Variants in GRAMD1B observed in about 807,000 individuals in gnomAD.
GRAMD1B encodes the protein protein Aster-B.
Under a neutral mutation model 99.7 loss-of-function variants are expected in GRAMD1B, and 37 were observed. The ratio of observed to expected loss-of-function variants is 0.37; its 90% CI spans 0.29 to 0.49. GRAMD1B has a LOEUF of 0.49. Ranked by LOEUF, GRAMD1B falls within the 20% of genes least tolerant of loss-of-function variation. The pLI is 0.98. For missense variants in GRAMD1B, 888 were observed against 1,009.2 expected (o/e 0.88, Z 1.63); for synonymous variants, 427 against 387.6 (o/e 1.10, Z -1.19).
intron 4 of GRAMD1B, among the ~76,000 whole-genome samples, chr11:123,592,085 G>A (rs1441416288): frequency 2.0e-5 from 3 of 152,174 alleles, no homozygotes; most frequent in Admixed American, 6.5e-5. Context: ...GGCTTCAGGG[G>A]GTTGGAGGCC....
At chr11:123,419,886 T>C (rs1293313196) in intron 1 of GRAMD1B, among the ~76,000 whole-genome samples, 3 of 152,046 alleles carry the variant, frequency 2.0e-5, no homozygotes, top group African/African-American at 7.2e-5. Flanking sequence ...TGAGTTAAGC[T>C]GGGGAGATTT....
intron 4 of GRAMD1B, among the ~76,000 whole-genome samples, chr11:123,584,570 C>T (rs1191363255): frequency 1.3e-5 from 2 of 151,934 alleles, no homozygotes; most frequent in South Asian, 2.1e-4. Context: ...CCCTGCCTCA[C>T]CTAGGCTCTT....
intron 1 of GRAMD1B, among the ~76,000 whole-genome samples, chr11:123,385,797 T>C (rs547917276): frequency 5.3e-5 from 8 of 152,312 alleles, no homozygotes; most frequent in African/African-American, 1.9e-4. Flanking sequence ...AACCCTTTAT[T>C]GTGGTCATGG....
At chr11:123,481,701 GCTAA>G in intron 2 of GRAMD1B, among the ~76,000 whole-genome samples, 1 of 152,202 alleles carries the variant, frequency 6.6e-6, no homozygotes. Context: ...TGGAGATACA[GCTAA>G]CTAAGCACTC....
intron 2 of GRAMD1B, among the ~76,000 whole-genome samples, chr11:123,511,072 A>ACTCTCTCTCT (rs35053436): frequency 4.8e-5 from 7 of 146,074 alleles, no homozygotes; most frequent in Admixed American, 1.4e-4. Context: ...CCTCTTTTTC[A>ACTCTCTCTCT]CTCTCTCTCT....
chr11:123,598,381 C>T (rs1951545134), intron 7 of GRAMD1B: 1 of 989,328 alleles, frequency 1.0e-6, no homozygotes, highest in Admixed American at 1.7e-5. Flanking sequence ...TTTTCGTCTT[C>T]CTCTCGCTCT....
chr11:123,579,025 T>C (rs1413342702), intron 3 of GRAMD1B, among the ~76,000 whole-genome samples: 1 of 151,928 alleles, frequency 6.6e-6, no homozygotes, highest in Non-Finnish European at 1.5e-5. Context: ...CAGACTGGGG[T>C]TCATGGTGTG....
chr11:123,430,988 G>C lies in GRAMD1B; in HGVS notation c.196G>C (p.Ala66Pro). Reference sequence around the variant, plus strand: ...GGCCGGGCTGGCCCGGGACCTGCCCGCCGTCTTGGCCCCCGGCAAGGAGTT... The same window carrying C: ...GGCCGGGCTGGCCCGGGACCTGCCCCCCGTCTTGGCCCCCGGCAAGGAGTT... ...LEAGLARDLPAVLAPGKEFLQ... is the reference protein window; with the variant it reads ...LEAGLARDLPPVLAPGKEFLQ... Residue 66 changes from alanine (A) to proline (P), a missense_variant, in exon 1 of 20, where the codon GCC (alanine) becomes CCC (proline). Physicochemically the swap from Ala to Pro is conservative, Grantham distance 27. Around this residue, in one of 5 missense-constraint regions of GRAMD1B, gnomAD observed 233 missense variants for 154.6 expected, o/e 1.51. Transcript: ENST00000635736. The C allele has an allele frequency of 1.4e-6, 1 of 702,884 alleles. No homozygotes were observed. Among genetic ancestry groups the C allele is most frequent in the South Asian group, 1.5e-5 (1 of 67,594 alleles). The allele number at this position is 702,884 out of a possible 1,614,324, so 43.5% of individuals were successfully genotyped here.
intron 5 of GRAMD1B, 45 bp downstream of exon 5, chr11:123,594,211 GC>G (rs766252761): frequency 1.2e-5 from 16 of 1,349,484 alleles, no homozygotes; most frequent in Non-Finnish European, 1.6e-5. Flanking sequence ...AGTCTGGGGA[GC>G]CCCCGGCATA....
At chr11:123,618,672 T>C (rs1954757848) in intron 17 of GRAMD1B, 21 bp from the exon 18 acceptor site, 2 of 1,353,844 alleles carry the variant, frequency 1.5e-6, no homozygotes, top group East Asian at 2.4e-5. Context: ...TGATGTTTTT[T>C]TCCCCACGTC....
Position 123,492,858 on chromosome 11 carries a change from T to TCACACACACACACACACA in GRAMD1B, c.452+11971_452+11972insCACACACACACACACACA, listed in dbSNP as rs763283753. 4.9e-4 allele frequency among the ~76,000 whole-genome samples: 64 copies of TCACACACACACACACACA among 131,702 alleles called. 1 individual carries two copies. Among genetic ancestry groups the TCACACACACACACACACA allele is most frequent in the Middle Eastern group, 3.5e-3 (1 of 284 alleles). 86.4% of individuals were successfully genotyped at this position (131,702 alleles called of 152,430 possible). On this transcript the variant is annotated intron_variant, in intron 2 of 19. Coordinates refer to ENST00000635736, the MANE Select transcript of GRAMD1B (RefSeq NM_001387025.1). This position sits in a 1 kb window ranked among gnomAD's most constrained non-coding sequence, Gnocchi z 4.2. ...CTCTCTCTCTCTCTGTCTCTCTCTT[T>TCACACACACACACACACA]CACACATACACACACACACACACAC...
At chr11:123,416,345 C>G (rs574171254) in intron 1 of GRAMD1B, among the ~76,000 whole-genome samples, 1 of 152,280 alleles carries the variant, frequency 6.6e-6, no homozygotes, top group East Asian at 1.9e-4. Context: ...ATGAAGCATT[C>G]TCTAGTTCCT....
intron 1 of GRAMD1B, among the ~76,000 whole-genome samples, chr11:123,466,464 GAA>G (rs1950683449): frequency 6.8e-6 from 1 of 146,080 alleles, no homozygotes; most frequent in Non-Finnish European, 1.5e-5. Flanking sequence ...AAGAAAGAAA[GAA>G]AGAAAAGAAA....
chr11:123,569,158 G>T (rs1947766914), intron 2 of GRAMD1B, among the ~76,000 whole-genome samples: 1 of 152,110 alleles, frequency 6.6e-6, no homozygotes, highest in Admixed American at 6.5e-5. Flanking sequence ...GAGAGGGTTG[G>T]ACCTGAAAGG....
chr11:123,360,881 A>G (rs1291752459), intron 1 of GRAMD1B, among the ~76,000 whole-genome samples: 1 of 142,086 alleles, frequency 7.0e-6, no homozygotes, highest in African/African-American at 2.7e-5. Context: ...CAGTGGTGCA[A>G]TCTGGGCTCA....
chr11:123,565,842 GTTCTGTTGTGAACAA>G (rs1415121210), intron 2 of GRAMD1B, among the ~76,000 whole-genome samples: 1 of 152,212 alleles, frequency 6.6e-6, no homozygotes, highest in Non-Finnish European at 1.5e-5. Context: ...TTAGGCGTTT[GTTCTGTTGTGAACAA>G]TCTCAGGAAA....
intron 2 of GRAMD1B, among the ~76,000 whole-genome samples, chr11:123,482,629 A>T (rs1055800119): frequency 1.3e-5 from 2 of 152,248 alleles, no homozygotes; most frequent in African/African-American, 4.8e-5. Context: ...CATGGATTAA[A>T]CAAAAGAAGA....
intron 1 of GRAMD1B, among the ~76,000 whole-genome samples, chr11:123,450,808 T>C (rs939553579): frequency 1.3e-5 from 2 of 152,184 alleles, no homozygotes; most frequent in Non-Finnish European, 2.9e-5. Context: ...AGGATTAAGC[T>C]GGGTCTCTCT....
intron 1 of GRAMD1B, among the ~76,000 whole-genome samples, chr11:123,415,005 T>A (rs531879189): frequency 1.3e-5 from 2 of 151,992 alleles, no homozygotes; most frequent in East Asian, 3.9e-4. Context: ...AATGGCCTAC[T>A]GGCGTCTTGG....
Sources: gnomAD v4.1 joint callset for allele counts (sites outside exome capture counted in the v4.1 genomes callset) on GRCh38, gnomAD v4.1.1 for gene constraint, gnomAD v4.1.1 regional missense constraint, Gnocchi (gnomAD v3.1) non-coding constraint, MANE v1.5 for transcripts, NCBI Gene and HGNC (gene_info 2026-07-23, HGNC 2026-07-21) for gene names.